ARB2A: variants seen among roughly 807,000 people sequenced by gnomAD.
The protein encoded by ARB2A is cotranscriptional regulator ARB2A.
the ARB2A span, among the ~76,000 whole-genome samples, chr5:93,787,965 G>A: frequency 5.8e-4 from 88 of 152,248 alleles, no homozygotes; most frequent in East Asian, 0.011. Flanking sequence ...ACAAAAAAAT[G>A]TGGCCCTGTT....
chr5:94,004,763 T>C, the ARB2A span, among the ~76,000 whole-genome samples: 2 of 151,940 alleles, frequency 1.3e-5, no homozygotes, highest in East Asian at 1.9e-4. Context: ...AAGCCTCTAG[T>C]AACATTTTCA....
chr5:93,779,339 T>C, the ARB2A span, among the ~76,000 whole-genome samples: 3 of 152,228 alleles, frequency 2.0e-5, no homozygotes, highest in African/African-American at 7.2e-5. Flanking sequence ...AATGTGTTAC[T>C]ATAGTTTAGA....
At chr5:94,044,788 C>T in the ARB2A span, among the ~76,000 whole-genome samples, 1 of 151,968 alleles carries the variant, frequency 6.6e-6, no homozygotes, top group African/African-American at 2.4e-5. Flanking sequence ...AACCAGATGG[C>T]CATGAGAGTG....
At chr5:93,630,240 G>T in the ARB2A span, among the ~76,000 whole-genome samples, 2 of 152,118 alleles carry the variant, frequency 1.3e-5, no homozygotes, top group Non-Finnish European at 2.9e-5. Flanking sequence ...CAGTTAGAAG[G>T]GACAAGTATG....
chr5:93,880,878 T>A, the ARB2A span, among the ~76,000 whole-genome samples: 2 of 151,736 alleles, frequency 1.3e-5, no homozygotes, highest in African/African-American at 2.4e-5. Context: ...CCCTACACTA[T>A]TTTGGCTTAA....
the ARB2A span, among the ~76,000 whole-genome samples, chr5:94,051,351 G>A: frequency 6.6e-6 from 1 of 152,170 alleles, no homozygotes; most frequent in African/African-American, 2.4e-5. Context: ...GTTTCAGTGA[G>A]ATTTCTCAAC....
At chr5:93,952,278 T>G in the ARB2A span, among the ~76,000 whole-genome samples, 1 of 152,232 alleles carries the variant, frequency 6.6e-6, no homozygotes, top group Non-Finnish European at 1.5e-5. Flanking sequence ...AGAGCTGTTA[T>G]GAGCAAAAAG....
chr5:93,670,901 C>A, the ARB2A span, among the ~76,000 whole-genome samples: 18 of 152,070 alleles, frequency 1.2e-4, no homozygotes, highest in Non-Finnish European at 1.8e-4. Flanking sequence ...TAAAATAATT[C>A]TCTAATTATT....
chr5:93,711,205 G>GTT, the ARB2A span, among the ~76,000 whole-genome samples: 5 of 127,614 alleles, frequency 3.9e-5, no homozygotes, highest in East Asian at 2.3e-4. Context: ...TTTTTTTTTT[G>GTT]TTTTTTTTTT....
At chr5:94,055,987 T>C in the ARB2A span, 1 of 803,578 alleles carries the variant, frequency 1.2e-6, no homozygotes. Context: ...ATCATCACAA[T>C]CCTATGAAAT....
the ARB2A span, among the ~76,000 whole-genome samples, chr5:93,634,926 C>T: frequency 6.6e-6 from 1 of 152,112 alleles, no homozygotes; most frequent in Non-Finnish European, 1.5e-5. Flanking sequence ...AGGTGCGTGC[C>T]ACCACGCCCG....
At chr5:94,086,562 G>GT in the ARB2A span, among the ~76,000 whole-genome samples, 2 of 152,032 alleles carry the variant, frequency 1.3e-5, no homozygotes, top group East Asian at 1.9e-4. Context: ...TTTGGTTTTT[G>GT]TTTTTTTGAC....
At chr5:93,801,949 C>T in the ARB2A span, among the ~76,000 whole-genome samples, 2 of 152,056 alleles carry the variant, frequency 1.3e-5, no homozygotes, top group Non-Finnish European at 2.9e-5. Context: ...TAGACATTTT[C>T]TGTTTTTATT....
chr5:93,651,258 CCTGAGTAGATGGGACTACAG>C, the ARB2A span, among the ~76,000 whole-genome samples: 2 of 151,984 alleles, frequency 1.3e-5, no homozygotes, highest in African/African-American at 4.8e-5. Flanking sequence ...ATCTCAGCCT[CCTGAGTAGATGGGACTACAG>C]GTGTGTACCA....
chr5:93,705,627 G>GTT, the ARB2A span, among the ~76,000 whole-genome samples: 2 of 146,074 alleles, frequency 1.4e-5, no homozygotes, highest in East Asian at 3.9e-4. Context: ...GTGTGTGTGT[G>GTT]TGTGTGTGTG....
At chr5:93,796,562 G>A in the ARB2A span, among the ~76,000 whole-genome samples, 2 of 152,258 alleles carry the variant, frequency 1.3e-5, no homozygotes, top group Admixed American at 6.5e-5. Flanking sequence ...TATATTGTTT[G>A]AAAATATTTG....
chr5:93,985,105 G>T, the ARB2A span, among the ~76,000 whole-genome samples: 1 of 151,944 alleles, frequency 6.6e-6, no homozygotes, highest in Non-Finnish European at 1.5e-5. Flanking sequence ...TCTTAAAAAA[G>T]GACAGTACAC....
chr5:93,663,623 C>T, the ARB2A span, among the ~76,000 whole-genome samples: 5 of 151,972 alleles, frequency 3.3e-5, no homozygotes, highest in Non-Finnish European at 5.9e-5. Context: ...GCATGTACGA[C>T]GATGGAATGG....
At chr5:93,673,929 T>C in the ARB2A span, among the ~76,000 whole-genome samples, 1 of 152,192 alleles carries the variant, frequency 6.6e-6, no homozygotes, top group Non-Finnish European at 1.5e-5. Flanking sequence ...CATATCCCTT[T>C]TATTCTAATA....
Sources: allele counts gnomAD v4.1 joint callset (sites outside exome capture counted in the v4.1 genomes callset), GRCh38; gene constraint gnomAD v4.1.1; transcripts MANE v1.5; gene names NCBI Gene and HGNC (gene_info 2026-07-23, HGNC 2026-07-21).